Variants in FARS2 observed in about 807,000 individuals in gnomAD.
FARS2 encodes phenylalanine--tRNA ligase, mitochondrial.
A neutral mutation model predicts 46.4 loss-of-function variants in FARS2; 40 were observed. The observed-to-expected ratio is 0.86, with a 90% CI of 0.67 to 1.12. FARS2 has a LOEUF of 1.12. Ranked by LOEUF, FARS2 falls within the 50% of genes most tolerant of loss-of-function variation. FARS2 has a pLI of 0.00. For missense variants in FARS2, 513 were observed against 567.9 expected, an observed-to-expected ratio of 0.90 and a Z score of 0.98; for synonymous variants, 234 against 214.9, an observed-to-expected ratio of 1.09 and a Z score of -0.78.
chr6:5,294,800 G>A (rs149695058), intron 1 of FARS2, among the ~76,000 whole-genome samples: 66 of 152,248 alleles, frequency 4.3e-4, no homozygotes, highest in African/African-American at 1.5e-3. Flanking sequence ...AGGGACCTTC[G>A]TGTGTTCAGC....
At chr6:5,673,772 G>A (rs1393425953) in intron 6 of FARS2, among the ~76,000 whole-genome samples, 11 of 152,168 alleles carry the variant, frequency 7.2e-5, no homozygotes, top group African/African-American at 2.7e-4. Context: ...AGGGGTGCCA[G>A]CATAATGATC....
At chr6:5,250,170 A>AT in the FARS2 span, among the ~76,000 whole-genome samples, 1 of 151,830 alleles carries the variant, frequency 6.6e-6, no homozygotes, top group Non-Finnish European at 1.5e-5. Context: ...CTCCCTCATT[A>AT]TTTTTTAATT....
At chr6:5,753,368 G>A (rs1425960349) in intron 6 of FARS2, among the ~76,000 whole-genome samples, 1 of 152,154 alleles carries the variant, frequency 6.6e-6, no homozygotes, top group Middle Eastern at 3.2e-3. Flanking sequence ...CAGCTATAGA[G>A]CTCTGCTCCG....
At chr6:5,656,153 C>T (rs78366537) in intron 6 of FARS2, among the ~76,000 whole-genome samples, 5,751 of 152,274 alleles carry the variant, frequency 0.038, 216 homozygotes, top group African/African-American at 0.1. Context: ...AGGAAGAGGA[C>T]GGTCCCTGTG....
chr6:5,312,647 G>T (rs1769161186), intron 1 of FARS2, among the ~76,000 whole-genome samples: 1 of 152,116 alleles, frequency 6.6e-6, no homozygotes, highest in African/African-American at 2.4e-5. Context: ...CTTCTGTTCT[G>T]GGCTCTTGTT....
intron 5 of FARS2, among the ~76,000 whole-genome samples, chr6:5,585,541 A>G (rs954983434): frequency 6.6e-6 from 1 of 151,888 alleles, no homozygotes; most frequent in Non-Finnish European, 1.5e-5. Flanking sequence ...CTTTTTAAAG[A>G]TTTCTCATGT....
chr6:5,396,227 G>C (rs887389341), intron 2 of FARS2, among the ~76,000 whole-genome samples: 1 of 152,070 alleles, frequency 6.6e-6, no homozygotes, highest in Admixed American at 6.6e-5. Flanking sequence ...GTAATTAAAG[G>C]CTATTTTTAT....
At chr6:5,679,965 A>G (rs1778953264) in intron 6 of FARS2, among the ~76,000 whole-genome samples, 1 of 151,948 alleles carries the variant, frequency 6.6e-6, no homozygotes, top group Non-Finnish European at 1.5e-5. Flanking sequence ...AAAATTCATC[A>G]AAGTGTTTTC....
At chr6:5,518,060 A>G (rs1768917541) in intron 4 of FARS2, among the ~76,000 whole-genome samples, 1 of 152,182 alleles carries the variant, frequency 6.6e-6, no homozygotes, top group Admixed American at 6.5e-5. Context: ...TTTAAATATG[A>G]GAGTCATGAG....
chr6:5,459,098 G>C (rs1765083138), intron 4 of FARS2, among the ~76,000 whole-genome samples: 1 of 152,210 alleles, frequency 6.6e-6, no homozygotes, highest in Non-Finnish European at 1.5e-5. Flanking sequence ...TGATGACACT[G>C]GTCCATGTGG....
Position 5,265,207 on chromosome 6 carries a change from A to G in FARS2, c.-22+3547A>G, listed in dbSNP as rs114455613. On this transcript the variant is annotated intron_variant, in intron 1 of 6. Transcript: ENST00000274680. ...AGTTTCACCTATGGGAAGGCTTTCC[A>G]TCGTAGAAGGTGTTTCCAGAATGAG... 4.4e-3 allele frequency among the ~76,000 whole-genome samples: 674 copies of G among 152,352 alleles called. 2 individuals carry two copies. Among genetic ancestry groups the G allele is most frequent in the African/African-American group, 0.015 (637 of 41,578 alleles).
Position 5,687,324 on chromosome 6 carries a change from G to A in FARS2, c.1217+74004G>A, listed in dbSNP as rs1011245021. 7.5e-4 allele frequency among the ~76,000 whole-genome samples: 114 copies of A among 152,228 alleles called. 1 individual carries two copies. Among genetic ancestry groups the A allele is most frequent in the African/African-American group, 2.4e-3 (101 of 41,528 alleles). On this transcript the variant is annotated intron_variant, in intron 6 of 6. Transcript: ENST00000274680. ...CTAGGTTTTCTTCTAGGGTTTTTAT[G>A]GTTTTAGGTCTAACATTTAAGTCTT...
chr6:5,329,087 C>T (rs1250287030), intron 1 of FARS2, among the ~76,000 whole-genome samples: 3 of 151,698 alleles, frequency 2.0e-5, no homozygotes, highest in Admixed American at 2.0e-4. Context: ...GATAGTGTAG[C>T]CTGCTCGATC....
chr6:5,260,409 G>A (rs1288825172), upstream of FARS2, among the ~76,000 whole-genome samples: 2 of 152,332 alleles, frequency 1.3e-5, no homozygotes, highest in South Asian at 4.1e-4. Context: ...GCCTTTAGGG[G>A]GAAAACGTCA....
At chr6:5,415,391 T>G (rs1762180493) in intron 3 of FARS2, among the ~76,000 whole-genome samples, 2 of 142,404 alleles carry the variant, frequency 1.4e-5, no homozygotes, top group South Asian at 4.7e-4. Flanking sequence ...CTCAGCTCAC[T>G]GCAACCTCCA....
chr6:5,637,007 G>A (rs1476706561), intron 6 of FARS2, among the ~76,000 whole-genome samples: 2 of 152,244 alleles, frequency 1.3e-5, no homozygotes, highest in African/African-American at 4.8e-5. Flanking sequence ...ATTCCGAGAA[G>A]AAGCAAAGCT....
chr6:5,355,167 G>A (rs1757834524), intron 1 of FARS2, among the ~76,000 whole-genome samples: 1 of 151,994 alleles, frequency 6.6e-6, no homozygotes, highest in Non-Finnish European at 1.5e-5. Context: ...AGAGTCATGG[G>A]ATTCTTTGCT....
chr6:5,627,211 G>C (rs1402099629), intron 6 of FARS2, among the ~76,000 whole-genome samples: 1 of 152,208 alleles, frequency 6.6e-6, no homozygotes, highest in East Asian at 1.9e-4. Context: ...TGCAGTGCAT[G>C]ACTGTATTTT....
At chr6:5,352,745 T>TTCCCTTCC (rs1757653723) in intron 1 of FARS2, among the ~76,000 whole-genome samples, 1 of 152,050 alleles carries the variant, frequency 6.6e-6, no homozygotes, top group Admixed American at 6.6e-5. Context: ...CCCTTCCTCC[T>TTCCCTTCC]TCCCTTCCTC....
Sources: gnomAD v4.1 joint callset for allele counts (sites outside exome capture counted in the v4.1 genomes callset) on GRCh38, gnomAD v4.1.1 for gene constraint, MANE v1.5 for transcripts, NCBI Gene and HGNC (gene_info 2026-07-23, HGNC 2026-07-21) for gene names.